The following NME7 variants were observed in gnomAD, a reference collection of about 807,000 sequenced individuals.
The protein encoded by NME7 is NME/NM23 family member 7.
Under a neutral mutation model 49.1 loss-of-function variants are expected in NME7, and 41 were observed. The observed-to-expected ratio is 0.83, with a 90% confidence interval of 0.65 to 1.08. The LOEUF (loss-of-function observed/expected upper bound fraction) is 1.08, where lower values mean the gene tolerates loss of function less well. NME7 is among the 50% of genes least tolerant of loss of function. The pLI is 0.00. For missense variants in NME7, 423 were observed against 463.4 expected (o/e 0.91, Z 0.80); for synonymous variants, 139 against 150.6 (o/e 0.92, Z 0.56).
intron 7 of NME7, among the ~76,000 whole-genome samples, chr1:169,256,699 C>G (rs1014092995): frequency 1.6e-5 from 2 of 121,306 alleles, no homozygotes; most frequent in Non-Finnish European, 3.8e-5. Context: ...GTGGTTTTAT[C>G]TACTTTTGGT....
intron 1 of NME7, among the ~76,000 whole-genome samples, chr1:169,362,502 C>T (rs996517336): frequency 1.3e-5 from 2 of 152,138 alleles, no homozygotes; most frequent in African/African-American, 4.8e-5. Flanking sequence ...ACATGCTAAA[C>T]TATGGTTCCC....
chr1:169,314,445 GA>G (rs1305653226), intron 3 of NME7, among the ~76,000 whole-genome samples: 5 of 151,288 alleles, frequency 3.3e-5, no homozygotes, highest in African/African-American at 4.8e-5. Flanking sequence ...ACTGTATATA[GA>G]AAAAAAATAG....
chr1:169,140,000 T>C (rs1206180320), intron 11 of NME7, among the ~76,000 whole-genome samples: 1 of 152,230 alleles, frequency 6.6e-6, no homozygotes, highest in Admixed American at 6.5e-5. Context: ...TAATGTTAAC[T>C]TCTTGATTCG....
chr1:169,267,466 C>A (rs1246102199), intron 7 of NME7, among the ~76,000 whole-genome samples: 2 of 133,176 alleles, frequency 1.5e-5, no homozygotes, highest in East Asian at 4.0e-4. Flanking sequence ...GCCAAGGGAA[C>A]CCTAAGCAAA....
intron 7 of NME7, among the ~76,000 whole-genome samples, chr1:169,250,475 T>A (rs79731424): frequency 0.014 from 2,199 of 152,262 alleles, 47 homozygotes; most frequent in African/African-American, 0.048. Context: ...TCAAATTCAT[T>A]TAGATCTGCT....
chr1:169,187,244 G>C (rs1369721090), intron 10 of NME7, among the ~76,000 whole-genome samples: 1 of 152,130 alleles, frequency 6.6e-6, no homozygotes, highest in Non-Finnish European at 1.5e-5. Context: ...GGAGAGTTCT[G>C]TAGATGTCTA....
intron 6 of NME7, among the ~76,000 whole-genome samples, chr1:169,291,646 TATA>T (rs36042457): frequency 0.31 from 46,845 of 149,318 alleles, 8,111 homozygotes; most frequent in East Asian, 0.66. Context: ...GAACTTAAAG[TATA>T]ATAATAATAA....
chr1:169,169,530 C>T lies in NME7; in HGVS notation c.1015G>A (p.Gly339Arg). ...DPEIARHLRP[G>R]TLRAIFGKTK... The stretch of plus-strand genomic sequence containing the variant: ...TTACCAAAGATTGCTCTGAGAGTTC[C>T]AGGGCGTAAATGCCGGGCAATTTCC... Residue 339 changes from glycine to arginine, a missense_variant, in exon 11 of 12, where the codon GGA becomes AGA. By Grantham distance (125) the Gly-to-Arg change is moderately radical. Transcript: ENST00000367811. The T allele has an allele frequency of 1.2e-6, 2 of 1,613,962 alleles. No homozygotes were observed. Among genetic ancestry groups the T allele is most frequent in the Non-Finnish European group, 1.7e-6 (2 of 1,179,914 alleles).
intron 6 of NME7, among the ~76,000 whole-genome samples, chr1:169,292,696 T>A (rs950160208): frequency 9.9e-5 from 15 of 152,104 alleles, no homozygotes; most frequent in Non-Finnish European, 1.8e-4. Flanking sequence ...ACTTTAAAAA[T>A]TTTTAATAGT....
At chr1:169,238,499 A>ACC (rs1647954942) in intron 7 of NME7, among the ~76,000 whole-genome samples, 1 of 151,142 alleles carries the variant, frequency 6.6e-6, no homozygotes, top group African/African-American at 2.4e-5. Context: ...ACACACACAC[A>ACC]CACACACACA....
chr1:169,224,953 G>A lies in NME7; in HGVS notation c.990+5765C>T, dbSNP rs1647262445. ...GAAGTAGCCATTCTGTCTGAGGGTG[G>A]TGGGACCAATATTTAATTCTCAGGT... On this transcript the variant is annotated intron_variant, in intron 10 of 11. Coordinates refer to ENST00000367811, the MANE Select transcript of NME7 (RefSeq NM_013330.5). Among the ~76,000 whole-genome samples, 5 of 152,148 alleles carry A rather than the reference G, an allele frequency of 3.3e-5. No individual in the cohort carries two copies. In the South Asian group the frequency reaches 1.0e-3, roughly 32 times the overall value.
At chr1:169,222,475 T>C (rs1218249893) in intron 10 of NME7, among the ~76,000 whole-genome samples, 1 of 152,144 alleles carries the variant, frequency 6.6e-6, no homozygotes, top group East Asian at 1.9e-4. Context: ...ATAAAAATAA[T>C]GAAATCTGTT....
intron 10 of NME7, among the ~76,000 whole-genome samples, chr1:169,184,120 T>C (rs1481483112): frequency 1.3e-5 from 2 of 152,118 alleles, no homozygotes; most frequent in Admixed American, 1.3e-4. Context: ...GACTATGATC[T>C]TGAAACACAC....
At chr1:169,156,205 A>G (rs1659065587) in intron 11 of NME7, among the ~76,000 whole-genome samples, 1 of 151,004 alleles carries the variant, frequency 6.6e-6, no homozygotes, top group Admixed American at 6.6e-5. Context: ...CCTAGCTGCT[A>G]GGGAGGCTGA....
chr1:169,354,751 T>C (rs1458372953), intron 1 of NME7, among the ~76,000 whole-genome samples: 2 of 142,278 alleles, frequency 1.4e-5, no homozygotes, highest in African/African-American at 5.1e-5. Flanking sequence ...TAGTATACTA[T>C]GGGTGTGTAT....
At chr1:169,161,983 C>T (rs567372180) in intron 11 of NME7, among the ~76,000 whole-genome samples, 4 of 152,056 alleles carry the variant, frequency 2.6e-5, no homozygotes, top group Non-Finnish European at 5.9e-5. Flanking sequence ...ATATGCATTC[C>T]GGCAACCGAT....
At position 169,323,159 on chromosome 1, in the gene NME7, C is replaced by T; in HGVS notation, c.236G>A (p.Gly79Glu). Residue 79 changes from glycine to glutamate, a missense_variant, in exon 3 of 12, where the codon GGG (glycine) becomes GAG (glutamate). By Grantham distance (98) the Gly-to-Glu change is moderately conservative (BLOSUM62 -2). Coordinates refer to ENST00000367811, the MANE Select transcript of NME7 (RefSeq NM_013330.5). ...CAGCTGGCGAGCTGTATATTGATCC[C>T]CATAGTCAATTAATACCAGTTGTCG... The part of the protein sequence containing the change: ...FSRQLVLIDY[G>E]DQYTARQLGS... The T allele has an allele frequency of 2.5e-6, 4 of 1,608,538 alleles. No individual in the cohort carries two copies. Among genetic ancestry groups the T allele is most frequent in the Non-Finnish European group, 3.4e-6 (4 of 1,177,644 alleles).
intron 7 of NME7, chr1:169,284,308 T>TCAG (rs1650171853): frequency 6.6e-6 from 1 of 152,230 alleles, no homozygotes; most frequent in African/African-American, 2.4e-5. Context: ...AGGTCATTCA[T>TCAG]GTTCTTCTCT....
At chr1:169,326,512 G>A (rs776451647) in intron 1 of NME7, among the ~76,000 whole-genome samples, 4 of 152,120 alleles carry the variant, frequency 2.6e-5, no homozygotes, top group African/African-American at 7.2e-5. Context: ...AAGTGACTGA[G>A]AAGCCTAAGA....
Sources: gnomAD v4.1 joint callset for allele counts (sites outside exome capture counted in the v4.1 genomes callset) on GRCh38, gnomAD v4.1.1 for gene constraint, MANE v1.5 for transcripts, NCBI Gene and HGNC (gene_info 2026-07-23, HGNC 2026-07-21) for gene names.